Variants in PTPRD observed in about 807,000 individuals in gnomAD.
PTPRD encodes the protein protein tyrosine phosphatase receptor type D.
In PTPRD, 34 loss-of-function variants were observed where a neutral mutation model predicts 214.5. The observed-to-expected ratio is 0.16, with a 90% CI of 0.12 to 0.21. The LOEUF (loss-of-function observed/expected upper bound fraction) is 0.21, where lower values mean the gene tolerates loss of function less well. Ranked by LOEUF, PTPRD falls within the 10% of genes least tolerant of loss-of-function variation. The pLI is 1.00. For missense variants in PTPRD, 2,545 were observed against 2,398.7 expected (o/e 1.06, Z -1.27); for synonymous variants, 1,128 against 845.7 (o/e 1.33, Z -5.79).
intron 9 of PTPRD, among the ~76,000 whole-genome samples, chr9:9,271,852 A>C (rs1943073353): frequency 6.6e-6 from 1 of 151,404 alleles, no homozygotes; most frequent in African/African-American, 2.4e-5. Flanking sequence ...TCAAAATTCC[A>C]AAAATAAAAA....
chr9:9,372,966 C>CA (rs1265741621), intron 9 of PTPRD, among the ~76,000 whole-genome samples: 1 of 152,040 alleles, frequency 6.6e-6, no homozygotes, highest in African/African-American at 2.4e-5. Context: ...TATTACCCCA[C>CA]AAAAAATACC....
intron 9 of PTPRD, among the ~76,000 whole-genome samples, chr9:9,369,964 A>G (rs147441219): frequency 0.25 from 37,830 of 151,844 alleles, 6,167 homozygotes; most frequent in African/African-American, 0.45. Flanking sequence ...TGTTCCATTG[A>G]TCTATATCTC....
intron 9 of PTPRD, among the ~76,000 whole-genome samples, chr9:9,348,090 T>A (rs1469583708): frequency 6.6e-6 from 1 of 152,138 alleles, no homozygotes; most frequent in Non-Finnish European, 1.5e-5. Context: ...AGAGAGTTGA[T>A]TGAATAGGTT....
intron 8 of PTPRD, among the ~76,000 whole-genome samples, chr9:9,478,603 G>A (rs550141403): frequency 1.3e-5 from 2 of 152,230 alleles, no homozygotes; most frequent in South Asian, 2.1e-4. Flanking sequence ...ATTTCCTACT[G>A]TCCTGCATCC....
At chr9:9,280,791 T>C (rs4112001) in intron 9 of PTPRD, among the ~76,000 whole-genome samples, 117 of 151,178 alleles carry the variant, frequency 7.7e-4, no homozygotes, top group Non-Finnish European at 1.5e-3. Flanking sequence ...GTAAAGTTTA[T>C]ATGAAGTGGC....
At chr9:8,511,257 G>C (rs1221681580) in intron 21 of PTPRD, among the ~76,000 whole-genome samples, 1 of 151,954 alleles carries the variant, frequency 6.6e-6, no homozygotes, top group African/African-American at 2.4e-5. Context: ...TTTTTGTACA[G>C]ACAGGGTCTC....
chr9:9,304,392 G>A (rs980811260), intron 9 of PTPRD, among the ~76,000 whole-genome samples: 1 of 152,036 alleles, frequency 6.6e-6, no homozygotes, highest in South Asian at 2.1e-4. Context: ...CCATTTGGAT[G>A]TTTCCTTAGA....
chr9:9,791,414 G>A (rs1159395588), intron 5 of PTPRD, among the ~76,000 whole-genome samples: 1 of 151,906 alleles, frequency 6.6e-6, no homozygotes, highest in African/African-American at 2.4e-5. Flanking sequence ...TTATAATAAC[G>A]ACCTTTAATT....
chr9:9,557,387 T>C (rs574363034), intron 8 of PTPRD, among the ~76,000 whole-genome samples: 2 of 152,266 alleles, frequency 1.3e-5, no homozygotes, highest in South Asian at 2.1e-4. Flanking sequence ...TAACATAGCA[T>C]TGCATAGCAG....
At chr9:9,051,657 T>TATAAA (rs75299833) in intron 10 of PTPRD, among the ~76,000 whole-genome samples, 9,701 of 152,176 alleles carry the variant, frequency 0.064, 328 homozygotes, top group Middle Eastern at 0.12. Flanking sequence ...ATAAAATAAG[T>TATAAA]TAATGTTAGG....
intron 2 of PTPRD, among the ~76,000 whole-genome samples, chr9:10,583,905 C>G (rs973355445): frequency 2.6e-5 from 4 of 152,088 alleles, no homozygotes; most frequent in African/African-American, 7.2e-5. Context: ...TGTCTAGAAA[C>G]CTCAGAGAAG....
chr9:9,282,208 T>C (rs1300048110), intron 9 of PTPRD, among the ~76,000 whole-genome samples: 4 of 151,206 alleles, frequency 2.6e-5, no homozygotes, highest in Admixed American at 2.0e-4. Flanking sequence ...TCAAAACCCA[T>C]AGAATGCAGA....
intron 9 of PTPRD, among the ~76,000 whole-genome samples, chr9:9,269,393 G>A (rs562996770): frequency 6.6e-6 from 1 of 151,340 alleles, no homozygotes; most frequent in South Asian, 2.1e-4. Context: ...GAATCCTTAT[G>A]CATTGTTGGT....
chr9:9,989,100 C>T (rs1004004052), intron 4 of PTPRD, among the ~76,000 whole-genome samples: 1 of 148,960 alleles, frequency 6.7e-6, no homozygotes. Context: ...GAGTTATGTC[C>T]TCTGCCAAAA....
At chr9:8,737,778 G>A (rs2090837772) in intron 11 of PTPRD, among the ~76,000 whole-genome samples, 1 of 152,146 alleles carries the variant, frequency 6.6e-6, no homozygotes, top group Non-Finnish European at 1.5e-5. Flanking sequence ...AGCCTCCTGA[G>A]TGGCTGGGAT....
intron 4 of PTPRD, among the ~76,000 whole-genome samples, chr9:9,941,152 C>T (rs977845575): frequency 6.6e-5 from 10 of 152,154 alleles, no homozygotes; most frequent in African/African-American, 2.4e-4. Flanking sequence ...TCAAAGCCGT[C>T]CTGGGCCGCA....
At chr9:10,319,288 C>A (rs948677961) in intron 3 of PTPRD, among the ~76,000 whole-genome samples, 1 of 151,960 alleles carries the variant, frequency 6.6e-6, no homozygotes, top group Non-Finnish European at 1.5e-5. Context: ...ACAGTCTTCT[C>A]CTCTGCAGAT....
intron 11 of PTPRD, among the ~76,000 whole-genome samples, chr9:8,834,118 T>C (rs929098063): frequency 2.0e-5 from 3 of 152,146 alleles, no homozygotes; most frequent in Non-Finnish European, 4.4e-5. Context: ...CTTCCCTTCA[T>C]AGTCACCTAC....
intron 5 of PTPRD, among the ~76,000 whole-genome samples, chr9:9,809,039 G>T (rs1344211650): frequency 6.6e-6 from 1 of 150,826 alleles, no homozygotes; most frequent in Non-Finnish European, 1.5e-5. Flanking sequence ...TCCCACCTTA[G>T]TCTCACAGAG....
Sources: allele counts gnomAD v4.1 joint callset (sites outside exome capture counted in the v4.1 genomes callset), GRCh38; gene constraint gnomAD v4.1.1; transcripts MANE v1.5; gene names NCBI Gene and HGNC (gene_info 2026-07-23, HGNC 2026-07-21).